The following DIABLO variants were observed in gnomAD, a reference collection of about 807,000 sequenced individuals.
DIABLO encodes diablo homolog, mitochondrial.
Under a neutral mutation model 31.7 loss-of-function variants are expected in DIABLO, and 32 were observed. That is an observed-to-expected ratio of 1.01 (90% CI 0.76 to 1.35). DIABLO has a LOEUF of 1.35. Among genes scored for constraint, DIABLO ranks in the 40% most tolerant of loss-of-function variants. The pLI is 0.00. For synonymous variants in DIABLO, 132 were observed against 103.2 expected, an observed-to-expected ratio of 1.28 and a Z score of -1.69; for missense variants, 316 against 286.4, an observed-to-expected ratio of 1.10 and a Z score of -0.75.
intron 3 of DIABLO, among the ~76,000 whole-genome samples, 197 bp downstream of exon 3, chr12:122,218,069 A>G (rs1954254078): frequency 6.6e-6 from 1 of 152,156 alleles, no homozygotes; most frequent in African/African-American, 2.4e-5. Flanking sequence ...CTGACAGTAA[A>G]TATTTTGGGC....
At chr12:122,222,470 G>C (rs900984893) in intron 2 of DIABLO, 8 of 152,178 alleles carry the variant, frequency 5.3e-5, no homozygotes, top group African/African-American at 1.9e-4. Context: ...GGGTGTGGTG[G>C]CGGGCGCCTG....
intron 5 of DIABLO, among the ~76,000 whole-genome samples, chr12:122,211,166 G>A (rs537324070): frequency 1.3e-5 from 2 of 149,444 alleles, no homozygotes; most frequent in Non-Finnish European, 3.0e-5. Flanking sequence ...TTGGGAGGCT[G>A]AGGCAGGTGG....
chr12:122,225,072 G>A (rs1954423232), intron 1 of DIABLO: 1 of 349,078 alleles, frequency 2.9e-6, no homozygotes, highest in African/African-American at 2.1e-5. Context: ...AATTAGCCCG[G>A]AGTGGTGGCA....
At chr12:122,209,810 A>G (rs1274200625) in intron 5 of DIABLO, 5 of 703,518 alleles carry the variant, frequency 7.1e-6, no homozygotes, top group Non-Finnish European at 1.3e-5. Context: ...GTTGACAGGT[A>G]GTGGAGAATG....
intron 1 of DIABLO, chr12:122,225,108 G>A: frequency 1.2e-5 from 4 of 326,464 alleles, no homozygotes; most frequent in South Asian, 1.0e-4. Flanking sequence ...AGCTACTCGG[G>A]AGGCTGAGGC....
intron 5 of DIABLO, among the ~76,000 whole-genome samples, chr12:122,212,621 ATTTATT>A (rs918661311): frequency 2.9e-5 from 4 of 137,742 alleles, no homozygotes; most frequent in Admixed American, 7.1e-5. Context: ...TCGCTTATTT[ATTTATT>A]TTTGTTTTTT....
At chr12:122,225,434 C>T (rs1433071666) in intron 1 of DIABLO, 1 of 998,282 alleles carries the variant, frequency 1.0e-6, no homozygotes, top group Admixed American at 5.5e-5. Context: ...TTTTTAGAAA[C>T]GGATGCCACA....
At chr12:122,211,125 C>T (rs1176802930) in intron 5 of DIABLO, among the ~76,000 whole-genome samples, 1 of 128,876 alleles carries the variant, frequency 7.8e-6, no homozygotes, top group African/African-American at 3.0e-5. Context: ...CACAGACGGG[C>T]ACAGTGGCTC....
intron 5 of DIABLO, 107 bp downstream of exon 5, chr12:122,216,381 G>T: frequency 1.1e-6 from 1 of 935,896 alleles, no homozygotes; most frequent in Non-Finnish European, 1.7e-6. Context: ...GAGCCACTTA[G>T]ACCATTTACT....
At chr12:122,211,077 TAAAAAAAAAAAAAAAAA>T (rs1156571584) in intron 5 of DIABLO, among the ~76,000 whole-genome samples, 8 of 14,346 alleles carry the variant, frequency 5.6e-4, no homozygotes, top group East Asian at 4.9e-3. Context: ...TAGTTAAAAG[TAAAAAAAAAAAAAAAAA>T]AAAAAAAAAA....
rs371241484 is a variant in DIABLO, at chr12:122,208,422, G to C, written c.679C>G (p.Arg227Gly). The change falls in exon 6 of 6, where the codon CGG becomes GGG. Residue 227 changes from arginine to glycine, a missense_variant. Physicochemically the swap from Arg to Gly is moderately radical, Grantham distance 125 (BLOSUM62 -2). Coordinates refer to ENST00000464942, the MANE Select transcript of DIABLO (RefSeq NM_001371333.1). ...RQKTQEEGEERAESEQEAYLR... is the reference protein window; with the variant it reads ...RQKTQEEGEEGAESEQEAYLR... Reference sequence around the variant, plus strand: ...TAGGCCTCCTGCTCCGACTCAGCCCGCTCCTCCCCTTCCTCCTGTGTTTTC... The same window carrying C: ...TAGGCCTCCTGCTCCGACTCAGCCCCCTCCTCCCCTTCCTCCTGTGTTTTC... The C allele has an allele frequency of 2.5e-6, 4 of 1,613,348 alleles. No individual in the cohort carries two copies. The African/African-American group carries it at 5.3e-5, about 22-fold the overall frequency.
rs374121145 is a variant in DIABLO, at chr12:122,208,799, C to T, written c.524-222G>A. The stretch of plus-strand genomic sequence containing the variant: ...AACAGCATTTTTCTTCAGCTGTCAG[C>T]GGCCAACATCACAATTATTAAATGC... On this transcript the variant is annotated intron_variant, in intron 5 of 5. Transcript: ENST00000464942. 1.2e-4 allele frequency: 77 copies of T among 647,764 alleles called. 1 individual carries two copies. The highest frequency in any genetic ancestry group is 8.4e-4 in the South Asian group (56 of 66,310). 40.1% of individuals were successfully genotyped at this position (647,764 alleles called of 1,614,324 possible). A position where few individuals can be genotyped will look rare whatever the true frequency, so the allele number is the denominator to read the frequency against.
At chr12:122,222,650 G>C (rs1301586573) in intron 2 of DIABLO, 3 of 151,980 alleles carry the variant, frequency 2.0e-5, no homozygotes, top group African/African-American at 7.3e-5. Context: ...CGGCTCTGTT[G>C]AAGACAATTT....
In DIABLO at chr12:122,208,094, A is replaced by C; in HGVS notation, c.*287T>G. The C allele has an allele frequency of 3.2e-6, 2 of 626,762 alleles. No individual in the cohort carries two copies. Among genetic ancestry groups the C allele is most frequent in the African/African-American group, 1.8e-5 (1 of 55,652 alleles). 38.8% of individuals were successfully genotyped at this position (626,762 alleles called of 1,614,324 possible). On this transcript the variant is annotated 3_prime_UTR_variant, in exon 6 of 6. Transcript: ENST00000464942. ...AAGGACTCCTCTCTCTGACCCAGGTAGGCAAAATGCTTTGGGTGTGAGGTA... is the reference window on the plus strand; with the variant it reads ...AAGGACTCCTCTCTCTGACCCAGGTCGGCAAAATGCTTTGGGTGTGAGGTA...
intron 5 of DIABLO, among the ~76,000 whole-genome samples, chr12:122,213,764 C>T (rs1954141020): frequency 6.6e-6 from 1 of 151,192 alleles, no homozygotes; most frequent in East Asian, 1.9e-4. Flanking sequence ...TCTGATCCCT[C>T]AGGATCACTA....
At chr12:122,213,223 TTTG>T (rs1954126586) in intron 5 of DIABLO, among the ~76,000 whole-genome samples, 5 of 151,572 alleles carry the variant, frequency 3.3e-5, no homozygotes, top group Middle Eastern at 6.8e-3. Context: ...GGACCAGATT[TTTG>T]GTTAAAAAAG....
intron 5 of DIABLO, among the ~76,000 whole-genome samples, chr12:122,211,410 A>T (rs1314916453): frequency 6.6e-6 from 1 of 151,650 alleles, no homozygotes; most frequent in Admixed American, 6.6e-5. Context: ...AAAATAAAAA[A>T]CAATCACACT....
At chr12:122,219,188 G>T (rs1394931270) in intron 2 of DIABLO, among the ~76,000 whole-genome samples, 1 of 151,210 alleles carries the variant, frequency 6.6e-6, no homozygotes, top group Non-Finnish European at 1.5e-5. Flanking sequence ...AGCCGAGATT[G>T]CACCACTGCG....
Position 122,207,750 on chromosome 12 carries a change from AAAGG to A in DIABLO, c.*627_*630del, listed in dbSNP as rs1953957532. 1 of 486,276 alleles carries A rather than the reference AAAGG, an allele frequency of 2.1e-6. No homozygotes were observed. Among genetic ancestry groups the A allele is most frequent in the South Asian group, 1.5e-5 (1 of 64,748 alleles). 30.1% of individuals were successfully genotyped at this position (486,276 alleles called of 1,614,324 possible). A position where few individuals can be genotyped will look rare whatever the true frequency, so the allele number is the denominator to read the frequency against. On this transcript the variant is annotated 3_prime_UTR_variant, in exon 6 of 6. Transcript: ENST00000464942. ...TTGGATACAATAGAGAAACGGAAAG[AAAGG>A]AAGGAACAAGAGGCCTGTGTTAAGT...
Sources: gnomAD v4.1 joint callset for allele counts (sites outside exome capture counted in the v4.1 genomes callset) on GRCh38, gnomAD v4.1.1 for gene constraint, MANE v1.5 for transcripts, NCBI Gene and HGNC (gene_info 2026-07-23, HGNC 2026-07-21) for gene names.